DLG2: variants seen among roughly 807,000 people sequenced by gnomAD.
DLG2 encodes discs large MAGUK scaffold protein 2.
DLG2 carries 45 observed loss-of-function variants against 132.5 expected under a neutral mutation model. The observed-to-expected ratio is 0.34, with a 90% CI of 0.27 to 0.44. The LOEUF (loss-of-function observed/expected upper bound fraction) is 0.44, where lower values mean the gene tolerates loss of function less well. Among genes scored for constraint, DLG2 ranks in the 20% least tolerant of loss-of-function variants. The pLI is 1.00. For missense variants in DLG2, 1,045 were observed against 1,196.9 expected (o/e 0.87, Z 1.87); for synonymous variants, 424 against 419.6 (o/e 1.01, Z -0.13).
intron 8 of DLG2, among the ~76,000 whole-genome samples, chr11:84,245,559 C>T (rs2097292292): frequency 6.6e-6 from 1 of 152,122 alleles, no homozygotes; most frequent in African/African-American, 2.4e-5. Flanking sequence ...CCCTTGTCTC[C>T]ACTATTATTT....
chr11:84,465,181 G>A (rs2099090889), intron 7 of DLG2, among the ~76,000 whole-genome samples: 1 of 151,106 alleles, frequency 6.6e-6, no homozygotes, highest in Non-Finnish European at 1.5e-5. Context: ...GTTCTTTTGT[G>A]CAACGAACTG....
At chr11:83,753,679 A>G (rs2093440900) in intron 18 of DLG2, among the ~76,000 whole-genome samples, 2 of 143,514 alleles carry the variant, frequency 1.4e-5, no homozygotes, top group African/African-American at 5.2e-5. Flanking sequence ...AAATTGATAT[A>G]TATATCAATT....
At chr11:83,623,463 G>A (rs1016342829) in intron 19 of DLG2, among the ~76,000 whole-genome samples, 2 of 152,188 alleles carry the variant, frequency 1.3e-5, no homozygotes, top group Non-Finnish European at 2.9e-5. Flanking sequence ...TCCGGAAGCA[G>A]AATTTAAGGA....
At chr11:84,644,870 C>T (rs947064318) in intron 6 of DLG2, among the ~76,000 whole-genome samples, 11 of 151,948 alleles carry the variant, frequency 7.2e-5, no homozygotes, top group African/African-American at 2.7e-4. Context: ...AAGTCAAAGG[C>T]CTCTCCCTCA....
At chr11:83,917,952 A>G (rs2077197112) in intron 15 of DLG2, among the ~76,000 whole-genome samples, 1 of 152,168 alleles carries the variant, frequency 6.6e-6, no homozygotes, top group African/African-American at 2.4e-5. Context: ...TTATGGGATG[A>G]AAGTGCATGA....
intron 19 of DLG2, among the ~76,000 whole-genome samples, chr11:83,625,605 A>G (rs1234019188): frequency 6.6e-6 from 1 of 152,172 alleles, no homozygotes; most frequent in Non-Finnish European, 1.5e-5. Flanking sequence ...CATAACTTCA[A>G]GCCTTAGTTC....
At chr11:85,330,647 G>C (rs1428814834) in intron 3 of DLG2, among the ~76,000 whole-genome samples, 1 of 98,252 alleles carries the variant, frequency 1.0e-5, no homozygotes. Context: ...GGAGGGGGGA[G>C]GGATAGCATT....
chr11:85,466,631 A>G (rs2092800492), intron 3 of DLG2, among the ~76,000 whole-genome samples: 1 of 152,052 alleles, frequency 6.6e-6, no homozygotes, highest in African/African-American at 2.4e-5. Context: ...GATATGTGGC[A>G]TTATTTCTGA....
At chr11:83,833,163 C>T (rs1052075448) in intron 17 of DLG2, among the ~76,000 whole-genome samples, 1 of 152,194 alleles carries the variant, frequency 6.6e-6, no homozygotes, top group African/African-American at 2.4e-5. Flanking sequence ...GTAGACCATG[C>T]TTGATGGCTC....
rs112573510 is a variant in DLG2, at chr11:85,060,495, G to A, written c.357+51166C>T. Among the ~76,000 whole-genome samples the A allele has an allele frequency of 6.2e-3, 918 of 148,656 alleles. 6 individuals are homozygous for A. Among genetic ancestry groups the A allele is most frequent in the Middle Eastern group, 0.014 (4 of 286 alleles). ...TATATATGTGTATATATATATACACGCATATGTATATGTGTGTGTGTGTAT... is the reference window on the plus strand; with the variant it reads ...TATATATGTGTATATATATATACACACATATGTATATGTGTGTGTGTGTAT... On this transcript the variant is annotated intron_variant, in intron 6 of 27. Transcript: ENST00000376104.
chr11:84,308,939 T>C (rs1191024734), intron 7 of DLG2, among the ~76,000 whole-genome samples: 2 of 152,202 alleles, frequency 1.3e-5, no homozygotes, highest in African/African-American at 4.8e-5. Flanking sequence ...CTCTGCAAGC[T>C]GAGGGAGCCG....
intron 3 of DLG2, among the ~76,000 whole-genome samples, chr11:85,317,677 TA>T (rs2080779782): frequency 1.3e-5 from 2 of 151,584 alleles, no homozygotes; most frequent in African/African-American, 4.8e-5. Context: ...AAATAATAAG[TA>T]AATAAACTAC....
chr11:85,014,521 T>A (rs2059408646), intron 6 of DLG2, among the ~76,000 whole-genome samples: 2 of 152,182 alleles, frequency 1.3e-5, no homozygotes, highest in Admixed American at 1.3e-4. Flanking sequence ...CTCAGCTCTT[T>A]ACTATAGAGG....
chr11:84,221,434 A>T (rs2096915144), intron 8 of DLG2, among the ~76,000 whole-genome samples: 1 of 152,130 alleles, frequency 6.6e-6, no homozygotes, highest in South Asian at 2.1e-4. Context: ...ACTGCACTCC[A>T]GTCTGGGCAA....
chr11:83,818,638 G>A (rs2049803172), intron 17 of DLG2, among the ~76,000 whole-genome samples: 1 of 152,228 alleles, frequency 6.6e-6, no homozygotes, highest in South Asian at 2.1e-4. Flanking sequence ...GGAATGGAGT[G>A]GAATATCTTA....
chr11:84,293,101 GAAGGATCTT>G (rs1386907090), intron 7 of DLG2, among the ~76,000 whole-genome samples: 1 of 151,998 alleles, frequency 6.6e-6, no homozygotes, highest in Non-Finnish European at 1.5e-5. Flanking sequence ...TGGAGCCAAT[GAAGGATCTT>G]AAGCAGAATG....
At chr11:84,457,005 T>G (rs1229177244) in intron 7 of DLG2, among the ~76,000 whole-genome samples, 1 of 151,260 alleles carries the variant, frequency 6.6e-6, no homozygotes, top group African/African-American at 2.4e-5. Context: ...GTTATGCTAA[T>G]AAGCCATATT....
At chr11:84,532,348 C>G (rs2099344876) in intron 7 of DLG2, among the ~76,000 whole-genome samples, 1 of 151,912 alleles carries the variant, frequency 6.6e-6, no homozygotes, top group Non-Finnish European at 1.5e-5. Context: ...TAATAATCAC[C>G]ATATTATCAA....
chr11:84,182,539 A>G (rs1259132795), intron 8 of DLG2, among the ~76,000 whole-genome samples: 1 of 150,028 alleles, frequency 6.7e-6, no homozygotes, highest in Non-Finnish European at 1.5e-5. Context: ...AAAAAAGAAA[A>G]AAAAAGAAAA....
Sources: gnomAD v4.1 joint callset for allele counts (sites outside exome capture counted in the v4.1 genomes callset) on GRCh38, gnomAD v4.1.1 for gene constraint, MANE v1.5 for transcripts, NCBI Gene and HGNC (gene_info 2026-07-23, HGNC 2026-07-21) for gene names.